The following JHY variants were observed in gnomAD, a reference collection of about 807,000 sequenced individuals.
The protein encoded by JHY is jhy protein homolog.
A neutral mutation model predicts 78.0 loss-of-function variants in JHY; 69 were observed. The ratio of observed to expected loss-of-function variants is 0.88; its 90% CI spans 0.73 to 1.08. The LOEUF (loss-of-function observed/expected upper bound fraction) is 1.08, where lower values mean the gene tolerates loss of function less well. JHY is among the 50% of genes least tolerant of loss of function. The pLI is 0.00. For missense variants in JHY, 944 were observed against 927.8 expected, an observed-to-expected ratio of 1.02 and a Z score of -0.23; for synonymous variants, 368 against 342.6, an observed-to-expected ratio of 1.07 and a Z score of -0.82.
rs1470271241 is a variant in JHY at position 122,946,647 on chromosome 11, C to G, written c.1784C>G (p.Pro595Arg). The G allele has an allele frequency of 6.2e-7, 1 of 1,614,126 alleles. No homozygotes were observed. The highest frequency in any genetic ancestry group is 2.2e-5 in the East Asian group (1 of 44,876). ...EGALSSVTLPPILSRVESESQ... is the reference protein window; with the variant it reads ...EGALSSVTLPRILSRVESESQ... Reference sequence around the variant, plus strand: ...GCCTTATCCAGCGTCACGCTTCCACCTATACTGTCAAGGGTAGAAAGTGAA... The same window carrying G: ...GCCTTATCCAGCGTCACGCTTCCACGTATACTGTCAAGGGTAGAAAGTGAA... The change falls in exon 6 of 9, where the codon CCT becomes CGT. Residue 595 changes from proline (P) to arginine (R), a missense_variant. Transcript: ENST00000227349.
At chr11:122,931,681 C>T (rs1168578659) in intron 4 of JHY, among the ~76,000 whole-genome samples, 3 of 152,144 alleles carry the variant, frequency 2.0e-5, no homozygotes, top group Non-Finnish European at 2.9e-5. Context: ...CAGGACTCCA[C>T]GGTTGAGTCA....
intron 5 of JHY, among the ~76,000 whole-genome samples, chr11:122,938,668 C>T (rs1863807888): frequency 6.6e-6 from 1 of 152,102 alleles, no homozygotes; most frequent in Non-Finnish European, 1.5e-5. Context: ...TGTCAGATGT[C>T]TAGCAATTCT....
intron 2 of JHY, among the ~76,000 whole-genome samples, chr11:122,900,882 T>C (rs1025954034): frequency 6.6e-6 from 1 of 152,174 alleles, no homozygotes; most frequent in African/African-American, 2.4e-5. Flanking sequence ...TCTACGTAGG[T>C]ATGCAGTCAA....
At position 122,935,229 on chromosome 11, in the gene JHY, CAA is replaced by C. The variant is rs555356111; in HGVS notation, c.1634+156_1634+157del. 6.6e-5 allele frequency among the ~76,000 whole-genome samples: 10 copies of C among 151,214 alleles called. No individual in the cohort carries two copies. The highest frequency in any genetic ancestry group is 1.2e-4 in the Non-Finnish European group (8 of 67,916). ...ACTTCCTTAGCTCTGATTCCTGCCT[CAA>C]AGAGTCCACTTTTTTTTTTTTTAGA... On this transcript the variant is annotated intron_variant, in intron 5 of 8. Coordinates refer to ENST00000227349, the MANE Select transcript of JHY (RefSeq NM_024806.4). This position sits in a 1 kb window ranked among gnomAD's most constrained non-coding sequence, Gnocchi z 4.5.
chr11:122,901,834 C>T (rs1032290376), intron 2 of JHY, among the ~76,000 whole-genome samples: 1 of 151,190 alleles, frequency 6.6e-6, no homozygotes, highest in East Asian at 1.9e-4. Flanking sequence ...GATAGCGCCA[C>T]TGCACTCCAG....
Position 122,961,311 on chromosome 11 carries a change from T to G in JHY, c.*1866T>G, listed in dbSNP as rs1418039530. On this transcript the variant is annotated 3_prime_UTR_variant, in exon 9 of 9. Transcript: ENST00000227349. ...TTTGAGTTGTTCCATGATCATTTTT[T>G]TATTGTTGTTTTTTTTGCTGTTGTT... Among the ~76,000 whole-genome samples, 2 of 114,164 alleles carry G rather than the reference T, an allele frequency of 1.8e-5. No homozygotes were observed. The highest frequency in any genetic ancestry group is 4.3e-5 in the Non-Finnish European group (2 of 46,784). 74.9% of individuals were successfully genotyped at this position (114,164 alleles called of 152,430 possible). A position where few individuals can be genotyped will look rare whatever the true frequency, so the allele number is the denominator to read the frequency against.
At chr11:122,944,717 A>T (rs1326274180) in intron 5 of JHY, among the ~76,000 whole-genome samples, 2 of 152,170 alleles carry the variant, frequency 1.3e-5, no homozygotes, top group African/African-American at 4.8e-5. Flanking sequence ...AAGTTCTTTT[A>T]GCAAGTATGG....
chr11:122,951,990 C>CT (rs768377869), intron 6 of JHY, among the ~76,000 whole-genome samples: 1,457 of 133,458 alleles, frequency 0.011, 4 homozygotes, highest in South Asian at 0.029. Flanking sequence ...TGTTGATTTA[C>CT]TTTTTTTTTT....
chr11:122,931,837 C>T (rs148980410), intron 4 of JHY, among the ~76,000 whole-genome samples: 6 of 152,174 alleles, frequency 3.9e-5, no homozygotes, highest in Non-Finnish European at 5.9e-5. Flanking sequence ...TTCACAGGGT[C>T]GGGGACAAAC....
intron 4 of JHY, among the ~76,000 whole-genome samples, chr11:122,932,329 C>G (rs1863653150): frequency 6.6e-6 from 1 of 152,186 alleles, no homozygotes; most frequent in Non-Finnish European, 1.5e-5. Flanking sequence ...AGATTTAACA[C>G]TTGAGACAAT....
chr11:122,894,005 C>T (rs908209245), intron 2 of JHY, among the ~76,000 whole-genome samples: 1 of 151,224 alleles, frequency 6.6e-6, no homozygotes, highest in African/African-American at 2.4e-5. Context: ...AATTTTAATG[C>T]TGCTAAATCT....
In JHY at chr11:122,917,506, T is replaced by G. The variant is rs1863257052; in HGVS notation, c.865-7391T>G. 6.6e-6 allele frequency among the ~76,000 whole-genome samples: 1 copy of G among 152,230 alleles called. No individual in the cohort carries two copies. The highest frequency in any genetic ancestry group is 1.5e-5 in the Non-Finnish European group (1 of 68,034). ...GGGAACTTAACACAAGTGGAAATTC[T>G]TGGGCCCCATGCCAGACCTCCTGAG... is the stretch of plus-strand genomic sequence containing the variant. On this transcript the variant is annotated intron_variant, in intron 3 of 8. Coordinates refer to ENST00000227349, the MANE Select transcript of JHY (RefSeq NM_024806.4). The surrounding 1 kb of genome is among the most constrained non-coding windows in gnomAD (Gnocchi z 4.1).
intron 2 of JHY, among the ~76,000 whole-genome samples, chr11:122,895,110 C>T (rs1450923329): frequency 6.6e-6 from 1 of 152,102 alleles, no homozygotes; most frequent in Non-Finnish European, 1.5e-5. Flanking sequence ...ATTCAGAAAT[C>T]CTTGGAAACA....
chr11:122,947,619 T>C (rs1251123658), intron 6 of JHY: 2 of 152,240 alleles, frequency 1.3e-5, no homozygotes, highest in African/African-American at 4.8e-5. Flanking sequence ...AAATGCATTC[T>C]GTTTTACAGG....
rs561781716 is a variant in JHY, at chr11:122,957,437, A to G, written c.2085A>G (p.Leu695=). ...ACAACATGAAGACACTATCCATTCTATCAAAACCACAAACAGAAAAAACTC... is the reference window on the plus strand; with the variant it reads ...ACAACATGAAGACACTATCCATTCTGTCAAAACCACAAACAGAAAAAACTC... The part of the protein sequence containing the change: ...KEYNMKTLSI[L]SKPQTEKTQK... The change falls in exon 8 of 9, where the codon CTA becomes CTG. Residue 695 remains leucine (L), a synonymous_variant. Coordinates refer to ENST00000227349, the MANE Select transcript of JHY (RefSeq NM_024806.4). 9.7e-6 allele frequency: 15 copies of G among 1,538,742 alleles called. No individual in the cohort carries two copies. The African/African-American group carries it at 1.6e-4, about 16-fold the overall frequency.
At chr11:122,901,049 A>G (rs1344906587) in intron 2 of JHY, among the ~76,000 whole-genome samples, 1 of 152,180 alleles carries the variant, frequency 6.6e-6, no homozygotes, top group Non-Finnish European at 1.5e-5. Context: ...AGGTGATTTC[A>G]TCATTGTGGG....
chr11:122,956,455 C>G (rs767126461), intron 6 of JHY, 41 bp from the exon 7 acceptor site: 2 of 1,588,394 alleles, frequency 1.3e-6, no homozygotes, highest in Admixed American at 3.4e-5. Flanking sequence ...GGGGGACACA[C>G]AAGTCCTTAA....
In JHY at chr11:122,946,604, G is replaced by A. The variant is rs769092607; in HGVS notation, c.1741G>A (p.Val581Met). 26 of 1,613,902 alleles carry A rather than the reference G, an allele frequency of 1.6e-5. No homozygotes were observed. Among genetic ancestry groups the A allele is most frequent in the Middle Eastern group, 1.6e-4 (1 of 6,084 alleles). Reference sequence around the variant, plus strand: ...GCAAGCCTTGGTGCAGCTGACCGACGTGCAGCCCAGTGAAGGGGCCTTATC... The same window carrying A: ...GCAAGCCTTGGTGCAGCTGACCGACATGCAGCCCAGTGAAGGGGCCTTATC... ...HQQALVQLTD[V>M]QPSEGALSSV... The change falls in exon 6 of 9, where the codon GTG becomes ATG. Residue 581 changes from valine to methionine, a missense_variant. Transcript: ENST00000227349.
At chr11:122,944,896 C>T (rs1359985018) in intron 5 of JHY, among the ~76,000 whole-genome samples, 1 of 151,826 alleles carries the variant, frequency 6.6e-6, no homozygotes, top group Non-Finnish European at 1.5e-5. Context: ...TTTATTTTCT[C>T]TTATTGGTTT....
Sources: gnomAD v4.1 joint callset for allele counts (sites outside exome capture counted in the v4.1 genomes callset) on GRCh38, gnomAD v4.1.1 for gene constraint, Gnocchi (gnomAD v3.1) non-coding constraint, MANE v1.5 for transcripts, NCBI Gene and HGNC (gene_info 2026-07-23, HGNC 2026-07-21) for gene names.